Variants in PTPRR observed in about 807,000 individuals in gnomAD.
PTPRR encodes receptor-type tyrosine-protein phosphatase R.
PTPRR carries 38 observed loss-of-function variants against 77.2 expected under a neutral mutation model. The observed-to-expected ratio is 0.49, with a 90% CI of 0.38 to 0.65. The LOEUF (loss-of-function observed/expected upper bound fraction) is 0.65, where lower values mean the gene tolerates loss of function less well. Ranked by LOEUF, PTPRR falls within the 30% of genes least tolerant of loss-of-function variation. The pLI is 0.00. For missense variants in PTPRR, 744 were observed against 799.2 expected (o/e 0.93, Z 0.83); for synonymous variants, 299 against 283.1 (o/e 1.06, Z -0.57).
chr12:70,646,803 A>G lies in PTPRR; in HGVS notation c.1881-7526T>C, dbSNP rs117436418. ...GAAATATGGATAAATGTAAGGTTAC[A>G]GTTGATAAACCTTAGACCAACAAGC... is the stretch of plus-strand genomic sequence containing the variant. On this transcript the variant is annotated intron_variant, in intron 13 of 13. Transcript: ENST00000283228. Among the ~76,000 whole-genome samples the G allele has an allele frequency of 1.1e-3, 175 of 152,340 alleles. 1 individual carries two copies. The East Asian group carries it at 0.029, about 25-fold the overall frequency.
chr12:70,867,881 C>T (rs554768617), intron 2 of PTPRR, among the ~76,000 whole-genome samples: 122 of 152,088 alleles, frequency 8.0e-4, no homozygotes, highest in African/African-American at 2.7e-3. Flanking sequence ...GAAATAATGC[C>T]GCATATCTAC....
At chr12:70,673,331 G>C (rs1343311514) in intron 10 of PTPRR, among the ~76,000 whole-genome samples, 1 of 152,166 alleles carries the variant, frequency 6.6e-6, no homozygotes, top group Non-Finnish European at 1.5e-5. Flanking sequence ...TTTTCTATAA[G>C]AGTGAACACA....
chr12:70,641,058 G>C (rs1885979183), intron 13 of PTPRR, among the ~76,000 whole-genome samples: 1 of 152,156 alleles, frequency 6.6e-6, no homozygotes, highest in Admixed American at 6.5e-5. Flanking sequence ...TGAGAATGTG[G>C]TAATGGTTTA....
chr12:70,790,321 C>T (rs1292669702), intron 2 of PTPRR, among the ~76,000 whole-genome samples: 1 of 152,118 alleles, frequency 6.6e-6, no homozygotes, highest in Non-Finnish European at 1.5e-5. Flanking sequence ...ATGTTCAATC[C>T]TTAATATTCC....
Position 70,751,768 on chromosome 12 carries a change from A to T in PTPRR, c.738+2423T>A, listed in dbSNP as rs1489018040. ...AAGTTCTCACATACCCTTCTTCCCT[A>T]TCTCTTCATTTTCCCGTTATTAACA... On this transcript the variant is annotated intron_variant, in intron 5 of 13. Transcript: ENST00000283228. 2.6e-5 allele frequency among the ~76,000 whole-genome samples: 4 copies of T among 152,132 alleles called. No individual in the cohort carries two copies. The South Asian group carries it at 8.3e-4, about 32-fold the overall frequency.
chr12:70,754,413 C>G (rs1565683443), intron 4 of PTPRR, 112 bp from the exon 5 acceptor site: 2 of 1,566,270 alleles, frequency 1.3e-6, no homozygotes, highest in East Asian at 2.3e-5. Flanking sequence ...TAGTGCAACA[C>G]ACCTACACCC....
chr12:70,730,006 AC>A (rs1325613882), intron 6 of PTPRR, among the ~76,000 whole-genome samples: 3 of 152,206 alleles, frequency 2.0e-5, no homozygotes, highest in African/African-American at 4.8e-5. Context: ...TGACAAAAAA[AC>A]AATGAAAAAA....
At chr12:70,843,808 ATTTTTTTTTTTTTTTT>A (rs201003875) in intron 2 of PTPRR, among the ~76,000 whole-genome samples, 1 of 124,658 alleles carries the variant, frequency 8.0e-6, no homozygotes, top group African/African-American at 2.8e-5. Flanking sequence ...GTTGCTGAAA[ATTTTTTTTTTTTTTTT>A]TTTTTTTTGA....
In PTPRR at chr12:70,639,293, C is replaced by A. The variant is rs527853913; in HGVS notation, c.1881-16G>T. 18 of 1,608,880 alleles carry A rather than the reference C, an allele frequency of 1.1e-5. No homozygotes were observed. In the African/African-American group the frequency reaches 1.7e-4, roughly 16 times the overall value. ...CATTCCACCTCTGCAAGGAAGAAAT[C>A]ATAAAATAACTGATTTTGCTAAAAT... On this transcript the variant is annotated splice_polypyrimidine_tract_variant and intron_variant, in intron 13 of 13. Transcript: ENST00000283228.
At chr12:70,654,497 T>C (rs1244750300) in intron 13 of PTPRR, among the ~76,000 whole-genome samples, 1 of 152,084 alleles carries the variant, frequency 6.6e-6, no homozygotes, top group Non-Finnish European at 1.5e-5. Flanking sequence ...ATCACGCCAC[T>C]GCACTCCAGC....
intron 2 of PTPRR, among the ~76,000 whole-genome samples, chr12:70,806,950 G>A (rs1272633296): frequency 6.6e-6 from 1 of 152,144 alleles, no homozygotes; most frequent in African/African-American, 2.4e-5. Context: ...AAGACGGGTT[G>A]GAAAAACTAA....
intron 1 of PTPRR, among the ~76,000 whole-genome samples, chr12:70,897,822 G>C (rs1016197522): frequency 8.5e-5 from 13 of 152,122 alleles, no homozygotes; most frequent in Middle Eastern, 3.4e-3. Flanking sequence ...ATACTATGCA[G>C]CCATAAAAAA....
intron 2 of PTPRR, among the ~76,000 whole-genome samples, chr12:70,806,305 C>A (rs1891708693): frequency 6.6e-6 from 1 of 152,106 alleles, no homozygotes; most frequent in Non-Finnish European, 1.5e-5. Flanking sequence ...TCAATAGAAC[C>A]CACAGTAGGA....
chr12:70,722,359 A>C (rs1025554898), intron 6 of PTPRR, among the ~76,000 whole-genome samples: 5 of 152,168 alleles, frequency 3.3e-5, no homozygotes, highest in African/African-American at 1.2e-4. Flanking sequence ...CATTTCTTGT[A>C]TGTTTCTCAT....
intron 5 of PTPRR, among the ~76,000 whole-genome samples, chr12:70,746,291 A>G (rs772067320): frequency 1.4e-4 from 21 of 152,184 alleles, no homozygotes; most frequent in South Asian, 2.1e-4. Flanking sequence ...TATGCTGCAC[A>G]TATGTATCAA....
intron 2 of PTPRR, among the ~76,000 whole-genome samples, chr12:70,822,839 C>T (rs1163072213): frequency 6.6e-6 from 1 of 152,064 alleles, no homozygotes; most frequent in Non-Finnish European, 1.5e-5. Context: ...GTCCTCTCAT[C>T]TCTTAATTTA....
Position 70,684,262 on chromosome 12 carries a change from G to A in PTPRR, c.1362C>T (p.Gly454=). 1 of 1,607,018 alleles carries A rather than the reference G, an allele frequency of 6.2e-7. No individual in the cohort carries two copies. The highest frequency in any genetic ancestry group is 8.5e-7 in the Non-Finnish European group (1 of 1,176,966). The change falls in exon 10 of 14, where the codon GGC becomes GGT. Residue 454 remains glycine (G), a splice_region_variant and synonymous_variant. Transcript: ENST00000283228. The part of the protein sequence containing the change: ...STYINANYIR[G]YSGKEKAFIA... ...TGAAGGCTTTCTCCTTGCCACTGTA[G>A]CCCTAGATGGAGTAAAGAAACAAAA... is the stretch of plus-strand genomic sequence containing the variant.
chr12:70,689,508 G>A (rs1225156894), intron 8 of PTPRR, among the ~76,000 whole-genome samples: 1 of 151,968 alleles, frequency 6.6e-6, no homozygotes, highest in Non-Finnish European at 1.5e-5. Context: ...TCCTCCAAGG[G>A]GTCTTGAACA....
rs544762604 is a variant in PTPRR at position 70,757,855 on chromosome 12, A to G, written c.628-3554T>C. Among the ~76,000 whole-genome samples the G allele has an allele frequency of 2.6e-5, 4 of 152,358 alleles. No homozygotes were observed. In the South Asian group the frequency reaches 6.2e-4, roughly 24 times the overall value. Reference sequence around the variant, plus strand: ...AAAATGGGTTGAGGTATAAGTTGTTATAAAAGATTAACCACAGAAAAAATG... The same window carrying G: ...AAAATGGGTTGAGGTATAAGTTGTTGTAAAAGATTAACCACAGAAAAAATG... On this transcript the variant is annotated intron_variant, in intron 4 of 13. Transcript: ENST00000283228.
Sources: gnomAD v4.1 joint callset for allele counts (sites outside exome capture counted in the v4.1 genomes callset) on GRCh38, gnomAD v4.1.1 for gene constraint, MANE v1.5 for transcripts, NCBI Gene and HGNC (gene_info 2026-07-23, HGNC 2026-07-21) for gene names.